GPATCH2L: variants seen among roughly 807,000 people sequenced by gnomAD.
GPATCH2L encodes G-patch domain containing 2 like, also known as G patch domain-containing protein 2-like.
GPATCH2L carries 31 observed loss-of-function variants against 57.4 expected under a neutral mutation model. The observed-to-expected ratio is 0.54, with a 90% confidence interval of 0.41 to 0.73. The LOEUF (loss-of-function observed/expected upper bound fraction) is 0.73, where lower values mean the gene tolerates loss of function less well. Among genes scored for constraint, GPATCH2L ranks in the 30% least tolerant of loss-of-function variants. The pLI, the probability that GPATCH2L is intolerant of heterozygous loss-of-function variation, is 0.00. For synonymous variants in GPATCH2L, 199 were observed against 210.7 expected (o/e 0.94, Z 0.48); for missense variants, 481 against 599.9 (o/e 0.80, Z 2.07).
intron 2 of GPATCH2L, among the ~76,000 whole-genome samples, chr14:76,164,306 T>C (rs2038731553): frequency 6.6e-6 from 1 of 152,214 alleles, no homozygotes; most frequent in African/African-American, 2.4e-5. Context: ...TAATTCTCTG[T>C]TGTGGGGCTG....
intron 3 of GPATCH2L, among the ~76,000 whole-genome samples, chr14:76,170,123 G>C (rs985506176): frequency 6.6e-6 from 1 of 152,176 alleles, no homozygotes; most frequent in African/African-American, 2.4e-5. Context: ...TTTCTTAGTT[G>C]TAATATCTCC....
chr14:76,169,921 A>G (rs1457635631), intron 3 of GPATCH2L, among the ~76,000 whole-genome samples: 4 of 152,198 alleles, frequency 2.6e-5, no homozygotes, highest in Non-Finnish European at 5.9e-5. Context: ...GCTTGGCATC[A>G]TGAGGGAACT....
rs1001982352 is a variant in GPATCH2L, at chr14:76,209,038, C to T, written c.*7187C>T. The T allele has an allele frequency of 5.7e-4, 87 of 152,352 alleles. 1 individual carries two copies. The highest frequency in any genetic ancestry group is 2.1e-3 in the African/African-American group (86 of 41,572). 9.4% of individuals were successfully genotyped at this position (152,352 alleles called of 1,614,324 possible). On this transcript the variant is annotated 3_prime_UTR_variant, in exon 10 of 10. Transcript: ENST00000261530. The stretch of plus-strand genomic sequence containing the variant: ...CTTGCTACCATTAAAACTGTTCTTG[C>T]TGGATTCACCCACCAGTGACTTCTA...
chr14:76,230,477 C>T (rs1449229449), intron 2 of GPATCH2L: 1 of 151,996 alleles, frequency 6.6e-6, no homozygotes, highest in African/African-American at 2.4e-5. Context: ...ATAATTTTAT[C>T]CATCCCACTG....
chr14:76,216,975 A>G (rs1294939615), downstream of GPATCH2L, among the ~76,000 whole-genome samples: 1 of 152,244 alleles, frequency 6.6e-6, no homozygotes, highest in Non-Finnish European at 1.5e-5. Context: ...ATATAGTTAT[A>G]TAGCTACATA....
intron 1 of GPATCH2L, among the ~76,000 whole-genome samples, chr14:76,226,868 A>T (rs1182531509): frequency 3.9e-5 from 6 of 152,214 alleles, no homozygotes; most frequent in Admixed American, 3.9e-4. Context: ...TTTGTAAAAG[A>T]GAGTGTACAC....
At chr14:76,220,400 T>C (rs117999433) in intron 1 of GPATCH2L, among the ~76,000 whole-genome samples, 3,369 of 152,258 alleles carry the variant, frequency 0.022, 73 homozygotes, top group South Asian at 0.077. Context: ...GAAGCATTAC[T>C]AAGGACACAA....
At chr14:76,230,786 G>C (rs191697186) in intron 2 of GPATCH2L, among the ~76,000 whole-genome samples, 1 of 152,144 alleles carries the variant, frequency 6.6e-6, no homozygotes, top group African/African-American at 2.4e-5. Context: ...ATTCATTAGC[G>C]TGGCTAGAGA....
At chr14:76,216,866 C>T (rs1342308439), downstream of GPATCH2L, among the ~76,000 whole-genome samples, 1 of 151,988 alleles carries the variant, frequency 6.6e-6, no homozygotes, top group African/African-American at 2.4e-5. Context: ...CTGAAACAGG[C>T]CCAATTGCAT....
intron 8 of GPATCH2L, among the ~76,000 whole-genome samples, chr14:76,195,279 G>T (rs535186693): frequency 6.6e-6 from 1 of 152,106 alleles, no homozygotes; most frequent in African/African-American, 2.4e-5. Context: ...TCACAGAATC[G>T]TTTGCTTTTA....
At chr14:76,233,278 C>T (rs1443068061) in intron 2 of GPATCH2L, among the ~76,000 whole-genome samples, 3 of 152,190 alleles carry the variant, frequency 2.0e-5, no homozygotes, top group Admixed American at 6.5e-5. Context: ...CCTCTCCACC[C>T]CCACGCAGCA....
chr14:76,232,306 T>G (rs2040575759), intron 2 of GPATCH2L, among the ~76,000 whole-genome samples: 1 of 151,524 alleles, frequency 6.6e-6, no homozygotes, highest in Admixed American at 6.6e-5. Context: ...GTTCCCAGGC[T>G]TTTTTTTTCT....
rs1487757738 is a variant in GPATCH2L at position 76,178,026 on chromosome 14, C to T, written c.1091C>T (p.Ser364Phe). Residue 364 changes from serine (S) to phenylalanine (F), a missense_variant, in exon 7 of 10, where the codon TCT becomes TTT. By Grantham distance (155) the Ser-to-Phe change is radical. This residue lies in a region of GPATCH2L where 248 missense variants were observed against 270.5 expected (regional missense o/e 0.92). Transcript: ENST00000261530. Reference sequence around the variant, plus strand: ...TTGGCTTCTGATTTTCCTCACATTTCTGCTTGTGCACATGAGGTAAGGTTT... The same window carrying T: ...TTGGCTTCTGATTTTCCTCACATTTTTGCTTGTGCACATGAGGTAAGGTTT... ...KALASDFPHI[S>F]ACAHEFNPLS... 3.1e-6 allele frequency: 5 copies of T among 1,606,424 alleles called. No homozygotes were observed. The highest frequency in any genetic ancestry group is 3.4e-6 in the Non-Finnish European group (4 of 1,173,828).
chr14:76,231,622 T>TACACACACAC (rs60488808), intron 2 of GPATCH2L, among the ~76,000 whole-genome samples: 8,126 of 147,366 alleles, frequency 0.055, 288 homozygotes, highest in African/African-American at 0.082. Context: ...ACTAAACACA[T>TACACACACAC]ACACACACAC....
At chr14:76,218,883 A>G (rs970453519), downstream of GPATCH2L, among the ~76,000 whole-genome samples, 2 of 151,758 alleles carry the variant, frequency 1.3e-5, no homozygotes, top group African/African-American at 4.8e-5. Flanking sequence ...TGGGGTGGGA[A>G]CTCCTAGGTA....
downstream of GPATCH2L, among the ~76,000 whole-genome samples, chr14:76,217,823 A>G (rs1026875821): frequency 3.3e-5 from 5 of 152,180 alleles, no homozygotes; most frequent in Non-Finnish European, 7.3e-5. Flanking sequence ...CTTTCCATAT[A>G]GTCGATTGAT....
chr14:76,152,794 GT>G (rs1566761897), intron 1 of GPATCH2L: 1 of 454,298 alleles, frequency 2.2e-6, no homozygotes, highest in Non-Finnish European at 4.4e-6. Flanking sequence ...TTTTGTTTTT[GT>G]TTTTTGTATT....
At chr14:76,156,542 T>C (rs1204969750) in intron 2 of GPATCH2L, among the ~76,000 whole-genome samples, 1 of 152,232 alleles carries the variant, frequency 6.6e-6, no homozygotes, top group African/African-American at 2.4e-5. Flanking sequence ...AAGGTATTTT[T>C]CCCTCATCAG....
intron 3 of GPATCH2L, among the ~76,000 whole-genome samples, chr14:76,170,401 A>G (rs559840504): frequency 2.6e-5 from 4 of 152,332 alleles, no homozygotes; most frequent in Middle Eastern, 3.4e-3. Flanking sequence ...TGTTGGCAGG[A>G]ATAAACTCTA....
Sources: gnomAD v4.1 joint callset for allele counts (sites outside exome capture counted in the v4.1 genomes callset) on GRCh38, gnomAD v4.1.1 for gene constraint, gnomAD v4.1.1 regional missense constraint, MANE v1.5 for transcripts, NCBI Gene and HGNC (gene_info 2026-07-23, HGNC 2026-07-21) for gene names.